The following PRKCZ variants were observed in gnomAD, a reference collection of about 807,000 sequenced individuals.
The protein encoded by PRKCZ is protein kinase C zeta.
Under a neutral mutation model 79.5 loss-of-function variants are expected in PRKCZ, and 33 were observed. The ratio of observed to expected loss-of-function variants is 0.41; its 90% CI spans 0.31 to 0.55. The LOEUF is 0.55. Ranked by LOEUF, PRKCZ falls within the 20% of genes least tolerant of loss-of-function variation. The pLI is 0.19. For missense variants in PRKCZ, 578 were observed against 813.5 expected, an observed-to-expected ratio of 0.71 and a Z score of 3.52; for synonymous variants, 342 against 320.9, an observed-to-expected ratio of 1.07 and a Z score of -0.70.
At chr1:2,150,546 G>A (rs1346086162) in intron 8 of PRKCZ, among the ~76,000 whole-genome samples, 1 of 152,210 alleles carries the variant, frequency 6.6e-6, no homozygotes, top group African/African-American at 2.4e-5. Context: ...TCTGTGGAAC[G>A]AACAGCTTCT....
At chr1:2,132,720 A>C (rs1374104704) in intron 4 of PRKCZ, among the ~76,000 whole-genome samples, 4 of 152,202 alleles carry the variant, frequency 2.6e-5, no homozygotes, top group Non-Finnish European at 5.9e-5. Context: ...CAGGTGACTC[A>C]CGGTGACTAA....
intron 11 of PRKCZ, 115 bp downstream of exon 11, chr1:2,169,719 C>T (rs1386591387): frequency 3.6e-5 from 7 of 194,738 alleles, no homozygotes; most frequent in African/African-American, 9.7e-5. Context: ...TGGGTGCGCG[C>T]GGAGTTGGGG....
At chr1:2,132,436 C>T (rs1675173809) in intron 4 of PRKCZ, among the ~76,000 whole-genome samples, 2 of 152,194 alleles carry the variant, frequency 1.3e-5, no homozygotes, top group African/African-American at 4.8e-5. Context: ...TTCTGAGCTG[C>T]GAGGCTCTCC....
At chr1:2,085,921 C>T (rs1267669109) in intron 4 of PRKCZ, among the ~76,000 whole-genome samples, 1 of 152,176 alleles carries the variant, frequency 6.6e-6, no homozygotes, top group East Asian at 1.9e-4. Flanking sequence ...TTCTCTCTTT[C>T]TCTCGCTCCC....
At chr1:2,181,773 C>A in intron 16 of PRKCZ, 1 of 454,328 alleles carries the variant, frequency 2.2e-6, no homozygotes, top group Non-Finnish European at 4.4e-6. Context: ...TAAAGCAGCA[C>A]AGGACTAAGG....
rs1310032549 is a variant in PRKCZ, at chr1:2,128,252, G to A, written c.335-7010G>A. ...TTGACCACTGCCTTGCACCCATCCG[G>A]GCCCCGCAGGGCCGTCCTGTGGCAC... On this transcript the variant is annotated intron_variant, in intron 4 of 17. Coordinates refer to ENST00000378567, the MANE Select transcript of PRKCZ (RefSeq NM_002744.6). The surrounding 1 kb of genome is among the most constrained non-coding windows in gnomAD (Gnocchi z 6.5). Among the ~76,000 whole-genome samples the A allele has an allele frequency of 6.6e-6, 1 of 152,154 alleles. No individual in the cohort carries two copies. The highest frequency in any genetic ancestry group is 2.1e-4 in the South Asian group (1 of 4,830).
Position 2,125,468 on chromosome 1 carries a change from G to T in PRKCZ, c.335-9794G>T, listed in dbSNP as rs1185357879. 6.6e-6 allele frequency among the ~76,000 whole-genome samples: 1 copy of T among 152,200 alleles called. No homozygotes were observed. Among genetic ancestry groups the T allele is most frequent in the Non-Finnish European group, 1.5e-5 (1 of 68,040 alleles). On this transcript the variant is annotated intron_variant, in intron 4 of 17. Transcript: ENST00000378567. The surrounding 1 kb of genome is among the most constrained non-coding windows in gnomAD (Gnocchi z 4.2). ...GACAGCAGCATTTGAGGACGGTGGGGCGGAGGACATCCTGGGGGGCCTGGC... is the reference window on the plus strand; with the variant it reads ...GACAGCAGCATTTGAGGACGGTGGGTCGGAGGACATCCTGGGGGGCCTGGC...
At position 2,161,392 on chromosome 1, in the gene PRKCZ, T is replaced by C. The variant is rs538595519; in HGVS notation, c.974+5300T>C. 3.3e-5 allele frequency among the ~76,000 whole-genome samples: 5 copies of C among 152,358 alleles called. No individual in the cohort carries two copies. The East Asian group carries it at 5.8e-4, about 18-fold the overall frequency. Reference sequence around the variant, plus strand: ...CAGGGGCTTGGTTTGCCTTTTGCATTGCGAGGGCGTCCTGCACTCTTCGGG... The same window carrying C: ...CAGGGGCTTGGTTTGCCTTTTGCATCGCGAGGGCGTCCTGCACTCTTCGGG... On this transcript the variant is annotated intron_variant, in intron 10 of 17. Transcript: ENST00000378567.
rs374684353 is a variant in PRKCZ, at chr1:2,112,006, C to T, written c.335-23256C>T. Among the ~76,000 whole-genome samples, 43 of 152,282 alleles carry T rather than the reference C, an allele frequency of 2.8e-4. No individual in the cohort carries two copies. The South Asian group carries it at 3.9e-3, about 14-fold the overall frequency. Reference sequence around the variant, plus strand: ...ACCTTCCTTTCACCTTAGTCGTCTTCGAGGCGATGTTTCCTCGGGACAAGT... The same window carrying T: ...ACCTTCCTTTCACCTTAGTCGTCTTTGAGGCGATGTTTCCTCGGGACAAGT... On this transcript the variant is annotated intron_variant, in intron 4 of 17. Coordinates refer to ENST00000378567, the MANE Select transcript of PRKCZ (RefSeq NM_002744.6).
intron 4 of PRKCZ, among the ~76,000 whole-genome samples, chr1:2,071,760 G>A (rs1231243955): frequency 6.6e-6 from 1 of 152,180 alleles, no homozygotes; most frequent in Non-Finnish European, 1.5e-5. Context: ...GGATAAATGC[G>A]TATTTCCTGT....
intron 4 of PRKCZ, among the ~76,000 whole-genome samples, chr1:2,098,975 C>T (rs905846030): frequency 5.3e-5 from 8 of 152,240 alleles, no homozygotes; most frequent in East Asian, 3.8e-4. Context: ...GCCACCGCGC[C>T]GGGCCCAATA....
intron 4 of PRKCZ, among the ~76,000 whole-genome samples, chr1:2,084,534 G>A (rs1409404757): frequency 6.6e-6 from 1 of 152,232 alleles, no homozygotes; most frequent in Non-Finnish European, 1.5e-5. Flanking sequence ...GGGCGTACCT[G>A]CGTCCGGCCC....
At chr1:2,074,004 G>T (rs572979325) in intron 4 of PRKCZ, 22 of 1,421,122 alleles carry the variant, frequency 1.5e-5, no homozygotes, top group Non-Finnish European at 1.8e-5. Flanking sequence ...GGCCCTGTGC[G>T]TGCGGAGGAC....
At chr1:2,145,665 A>C (rs1186184546) in intron 6 of PRKCZ, among the ~76,000 whole-genome samples, 2 of 152,138 alleles carry the variant, frequency 1.3e-5, no homozygotes, top group East Asian at 3.9e-4. Context: ...TGTAATCCCA[A>C]CACTTTGGGA....
intron 9 of PRKCZ, among the ~76,000 whole-genome samples, chr1:2,151,945 G>C (rs1263244196): frequency 2.0e-5 from 3 of 152,058 alleles, no homozygotes; most frequent in Non-Finnish European, 4.4e-5. Flanking sequence ...CCTCCTGCTA[G>C]GCTGAGGTGA....
At chr1:2,120,870 A>G (rs547901145) in intron 4 of PRKCZ, among the ~76,000 whole-genome samples, 3 of 137,824 alleles carry the variant, frequency 2.2e-5, no homozygotes, top group Admixed American at 7.7e-5. Context: ...CAGGATGGCA[A>G]TGGCACGCTC....
At chr1:2,166,690 C>T (rs547460849) in intron 10 of PRKCZ, among the ~76,000 whole-genome samples, 5 of 152,260 alleles carry the variant, frequency 3.3e-5, no homozygotes, top group African/African-American at 1.2e-4. Flanking sequence ...CCCCAGGCCA[C>T]GACATGGCGA....
rs374385799 is a variant in PRKCZ at position 2,150,940 on chromosome 1, A to G, written c.838A>G (p.Met280Val). The G allele has an allele frequency of 1.2e-6, 2 of 1,613,980 alleles. No individual in the cohort carries two copies. The highest frequency in any genetic ancestry group is 1.3e-5 in the African/African-American group (1 of 74,950). ...RLKKNDQIYA[M>V]KVVKKELVHD... is the part of the protein sequence containing the mutation. ...GAAGAAGAATGACCAAATTTACGCC[A>G]TGAAAGTGGTGAAGAAAGAGCTGGT... The change falls in exon 9 of 18, where the codon ATG becomes GTG. Residue 280 changes from methionine to valine, a missense_variant. By Grantham distance (21) the Met-to-Val change is conservative (BLOSUM62 1). Around this residue, in one of 4 missense-constraint regions of PRKCZ, gnomAD observed 243 missense variants for 467.0 expected, o/e 0.52. Transcript: ENST00000378567.
chr1:2,148,745 C>A, intron 7 of PRKCZ, 127 bp from the exon 8 acceptor site: 3 of 889,586 alleles, frequency 3.4e-6, no homozygotes, highest in South Asian at 1.6e-5. Flanking sequence ...TAGAATCAGA[C>A]ATGGCTGCTG....
Sources: gnomAD v4.1 joint callset for allele counts (sites outside exome capture counted in the v4.1 genomes callset) on GRCh38, gnomAD v4.1.1 for gene constraint, gnomAD v4.1.1 regional missense constraint, Gnocchi (gnomAD v3.1) non-coding constraint, MANE v1.5 for transcripts, NCBI Gene and HGNC (gene_info 2026-07-23, HGNC 2026-07-21) for gene names.